SUPT3H: variants seen among roughly 807,000 people sequenced by gnomAD.
The protein encoded by SUPT3H is SPT3 homolog, SAGA and STAGA complex component.
In SUPT3H, 44 loss-of-function variants were observed where a neutral mutation model predicts 44.3. The ratio of observed to expected loss-of-function variants is 0.99; its 90% confidence interval spans 0.78 to 1.28. The LOEUF is 1.28. SUPT3H is among the 50% of genes most tolerant of loss of function. The pLI is 0.00. For missense variants in SUPT3H, 380 were observed against 387.1 expected (o/e 0.98, Z 0.15); for synonymous variants, 124 against 125.6 (o/e 0.99, Z 0.09).
intron 2 of SUPT3H, among the ~76,000 whole-genome samples, chr6:45,225,647 C>A (rs1005717775): frequency 6.6e-6 from 1 of 152,106 alleles, no homozygotes; most frequent in Non-Finnish European, 1.5e-5. Context: ...TTTGGCAACC[C>A]TGCAAGTATC....
rs541626240 is a variant in SUPT3H, at chr6:44,932,868, C to T, written c.802-105G>A. On this transcript the variant is annotated intron_variant, in intron 9 of 10. Coordinates refer to ENST00000371459, the MANE Select transcript of SUPT3H (RefSeq NM_003599.4). Reference sequence around the variant, plus strand: ...CTTTACAAAAGAGACCGGTTTTTCCCTTAGGATGCACATCACTACTGCCAT... The same window carrying T: ...CTTTACAAAAGAGACCGGTTTTTCCTTTAGGATGCACATCACTACTGCCAT... 9.6e-6 allele frequency: 6 copies of T among 621,842 alleles called. No homozygotes were observed. In the South Asian group the frequency reaches 1.8e-4, roughly 19 times the overall value. 38.5% of individuals were successfully genotyped at this position (621,842 alleles called of 1,614,324 possible). A position where few individuals can be genotyped will look rare whatever the true frequency, so the allele number is the denominator to read the frequency against.
At chr6:45,337,054 A>C (rs1305120152) in intron 2 of SUPT3H, among the ~76,000 whole-genome samples, 2 of 151,724 alleles carry the variant, frequency 1.3e-5, no homozygotes, top group African/African-American at 4.8e-5. Context: ...ATAAAACTAC[A>C]TAGCAACAAT....
chr6:45,342,481 G>C (rs959889562), intron 2 of SUPT3H, among the ~76,000 whole-genome samples: 4 of 152,010 alleles, frequency 2.6e-5, no homozygotes, highest in East Asian at 1.9e-4. Flanking sequence ...GGATGGTCTC[G>C]ATCTTCTGAC....
intron 2 of SUPT3H, among the ~76,000 whole-genome samples, chr6:45,296,927 T>A (rs1781371094): frequency 7.7e-6 from 1 of 129,770 alleles, no homozygotes; most frequent in Non-Finnish European, 1.6e-5. Context: ...TGAGATTCTG[T>A]CTCAAGAAAA....
At chr6:45,053,337 G>C (rs991399550) in intron 3 of SUPT3H, among the ~76,000 whole-genome samples, 11 of 152,080 alleles carry the variant, frequency 7.2e-5, no homozygotes, top group Admixed American at 3.9e-4. Flanking sequence ...ACAGCAATTG[G>C]TGGCAAGTAA....
chr6:44,891,666 G>T (rs1054451159), intron 10 of SUPT3H, among the ~76,000 whole-genome samples: 10 of 151,998 alleles, frequency 6.6e-5, no homozygotes, highest in African/African-American at 2.4e-4. Flanking sequence ...AAATATTTCT[G>T]AAAATGGATA....
chr6:45,145,233 A>G (rs537741172), intron 2 of SUPT3H, among the ~76,000 whole-genome samples: 2 of 152,124 alleles, frequency 1.3e-5, no homozygotes, highest in Non-Finnish European at 1.5e-5. Flanking sequence ...AAAAAGAACA[A>G]ATCTAGAGGC....
chr6:44,905,111 C>T lies in SUPT3H; in HGVS notation c.912+27542G>A, dbSNP rs568404630. 7.9e-5 allele frequency among the ~76,000 whole-genome samples: 12 copies of T among 152,130 alleles called. No homozygotes were observed. In the East Asian group the frequency reaches 2.1e-3, roughly 27 times the overall value. ...ATACCATTCAGGACATAGGCATGGG[C>T]AAGGACTTCATGTCTAAAACACCAA... On this transcript the variant is annotated intron_variant, in intron 10 of 10. Coordinates refer to ENST00000371459, the MANE Select transcript of SUPT3H (RefSeq NM_003599.4).
intron 10 of SUPT3H, among the ~76,000 whole-genome samples, chr6:44,897,117 T>G (rs1260476473): frequency 6.6e-6 from 1 of 152,208 alleles, no homozygotes; most frequent in Non-Finnish European, 1.5e-5. Context: ...AAGGTCCTAA[T>G]ACAGAGAATA....
At chr6:45,365,843 T>A (rs889214847) in intron 1 of SUPT3H, among the ~76,000 whole-genome samples, 1 of 150,632 alleles carries the variant, frequency 6.6e-6, no homozygotes, top group African/African-American at 2.4e-5. Flanking sequence ...AACAAAAGCC[T>A]AAAATACAAA....
chr6:45,090,869 T>C (rs1583483445), intron 3 of SUPT3H, among the ~76,000 whole-genome samples: 2 of 151,880 alleles, frequency 1.3e-5, no homozygotes, highest in African/African-American at 4.8e-5. Context: ...TTACTTCTTG[T>C]ATTATCATCA....
intron 11 of SUPT3H, among the ~76,000 whole-genome samples, chr6:44,810,640 G>GC (rs1007549493): frequency 3.3e-5 from 5 of 151,726 alleles, no homozygotes; most frequent in Admixed American, 3.3e-4. Flanking sequence ...GGGCATGGTG[G>GC]CTCACGCCTG....
chr6:44,961,881 G>A (rs1392466506), intron 6 of SUPT3H, 53 bp from the exon 7 acceptor site: 1 of 1,376,556 alleles, frequency 7.3e-7, no homozygotes, highest in Non-Finnish European at 1.0e-6. Context: ...TATTATATAT[G>A]TTTTCACAGC....
At chr6:44,882,127 T>C (rs570229167) in intron 10 of SUPT3H, among the ~76,000 whole-genome samples, 65 of 152,128 alleles carry the variant, frequency 4.3e-4, no homozygotes, top group East Asian at 4.3e-3. Flanking sequence ...ATTAACAAAA[T>C]AGACTGCTAG....
chr6:44,927,404 C>A (rs919780941), intron 10 of SUPT3H, among the ~76,000 whole-genome samples: 2 of 151,962 alleles, frequency 1.3e-5, no homozygotes, highest in Non-Finnish European at 2.9e-5. Flanking sequence ...ACTGAAGAAA[C>A]TTTAAAAGTT....
intron 6 of SUPT3H, among the ~76,000 whole-genome samples, chr6:44,969,361 G>T (rs147818414): frequency 0.019 from 2,952 of 152,210 alleles, 55 homozygotes; most frequent in South Asian, 0.086. Context: ...ATCTCTGGAG[G>T]TGAAATTATA....
At chr6:45,114,373 A>AG (rs1205459045) in intron 2 of SUPT3H, among the ~76,000 whole-genome samples, 2 of 87,504 alleles carry the variant, frequency 2.3e-5, no homozygotes, top group South Asian at 3.9e-4. Context: ...GAAAGATGAG[A>AG]GAAAAAAACT....
intron 2 of SUPT3H, among the ~76,000 whole-genome samples, chr6:45,334,010 G>A (rs1319712080): frequency 1.3e-5 from 2 of 151,314 alleles, no homozygotes; most frequent in Non-Finnish European, 3.0e-5. Context: ...TCATACTGAT[G>A]TTAGAAAATT....
At chr6:44,967,050 C>A (rs1290755473) in intron 6 of SUPT3H, among the ~76,000 whole-genome samples, 3 of 152,160 alleles carry the variant, frequency 2.0e-5, no homozygotes, top group Non-Finnish European at 4.4e-5. Flanking sequence ...CTTGAACATT[C>A]ATAAAATATG....
Sources: allele counts gnomAD v4.1 joint callset (sites outside exome capture counted in the v4.1 genomes callset), GRCh38; gene constraint gnomAD v4.1.1; transcripts MANE v1.5; gene names NCBI Gene and HGNC (gene_info 2026-07-23, HGNC 2026-07-21).